The following GGTA1 variants were observed in gnomAD, a reference collection of about 807,000 sequenced individuals.
GGTA1 encodes inactive N-acetyllactosaminide alpha-1,3-galactosyltransferase.
Under a neutral mutation model 2.6 loss-of-function variants are expected in GGTA1, and 5 were observed. The ratio of observed to expected loss-of-function variants is 1.92; its 90% CI spans 1.00 to 4.04. GGTA1 has a LOEUF of 4.04. Among genes scored for constraint, GGTA1 ranks in the 30% most tolerant of loss-of-function variants. The pLI is 0.00. For missense variants in GGTA1, 50 were observed against 16.7 expected, an observed-to-expected ratio of 2.99 and a Z score of -3.47; for synonymous variants, 17 against 5.0, an observed-to-expected ratio of 3.38 and a Z score of -3.19.
intron 1 of GGTA1, among the ~76,000 whole-genome samples, chr9:121,469,157 C>T (rs1828325658): frequency 6.6e-6 from 1 of 151,982 alleles, no homozygotes; most frequent in African/African-American, 2.4e-5. Context: ...GAATAACAGG[C>T]CAGGAAGTAC....
At chr9:121,482,180 C>G (rs1445200099) in intron 1 of GGTA1, among the ~76,000 whole-genome samples, 1 of 145,868 alleles carries the variant, frequency 6.9e-6, no homozygotes, top group East Asian at 2.1e-4. Flanking sequence ...CTAAAACAAT[C>G]TAGGAGGCCA....
At chr9:121,458,400 G>A (rs1241626210) in intron 5 of GGTA1, among the ~76,000 whole-genome samples, 2 of 151,680 alleles carry the variant, frequency 1.3e-5, no homozygotes, top group East Asian at 2.0e-4. Context: ...GGCCGAGGCA[G>A]GGGATCACTT....
At chr9:121,496,848 T>A (rs1352106782) in intron 1 of GGTA1, among the ~76,000 whole-genome samples, 1 of 148,770 alleles carries the variant, frequency 6.7e-6, no homozygotes, top group Non-Finnish European at 1.5e-5. Context: ...AGAATGAGAC[T>A]CTGTCTCAAA....
chr9:121,479,891 A>C (rs756295148), intron 1 of GGTA1, among the ~76,000 whole-genome samples: 20 of 152,174 alleles, frequency 1.3e-4, no homozygotes, highest in Non-Finnish European at 2.5e-4. Context: ...CTCCCACAGC[A>C]CAAAGCACAC....
chr9:121,493,567 T>C (rs1444065305), intron 1 of GGTA1, among the ~76,000 whole-genome samples: 1 of 152,096 alleles, frequency 6.6e-6, no homozygotes, highest in Non-Finnish European at 1.5e-5. Flanking sequence ...AGAAATCTTA[T>C]CATAATAATT....
chr9:121,470,458 G>A (rs1027624283), intron 1 of GGTA1, among the ~76,000 whole-genome samples: 1 of 152,208 alleles, frequency 6.6e-6, no homozygotes, highest in Non-Finnish European at 1.5e-5. Context: ...CCTAAATGGA[G>A]ATGACAAGAG....
At chr9:121,492,336 G>T (rs1266181411) in intron 1 of GGTA1, among the ~76,000 whole-genome samples, 14 of 152,168 alleles carry the variant, frequency 9.2e-5, no homozygotes, top group Non-Finnish European at 2.1e-4. Flanking sequence ...TTGGCTGATG[G>T]GGAAACGGTC....
At chr9:121,474,386 T>G (rs1024653737) in intron 1 of GGTA1, among the ~76,000 whole-genome samples, 3 of 152,226 alleles carry the variant, frequency 2.0e-5, no homozygotes, top group Admixed American at 6.5e-5. Flanking sequence ...CTGGAACGTG[T>G]GCAGATTATG....
At chr9:121,498,245 T>G (rs1829031446) in intron 1 of GGTA1, among the ~76,000 whole-genome samples, 1 of 152,246 alleles carries the variant, frequency 6.6e-6, no homozygotes, top group East Asian at 1.9e-4. Context: ...GAGTTGAAAC[T>G]TCTGGACTGG....
At chr9:121,471,133 G>C (rs1589332264) in intron 1 of GGTA1, among the ~76,000 whole-genome samples, 1 of 152,230 alleles carries the variant, frequency 6.6e-6, no homozygotes, top group Non-Finnish European at 1.5e-5. Context: ...AGAAAACCAA[G>C]ACTGTGGACC....
intron 5 of GGTA1, among the ~76,000 whole-genome samples, chr9:121,459,366 G>A (rs1240840845): frequency 6.6e-6 from 1 of 152,152 alleles, no homozygotes; most frequent in Non-Finnish European, 1.5e-5. Flanking sequence ...AGCCTGGGAG[G>A]TCAAGGCTGC....
At chr9:121,460,308 C>T in intron 4 of GGTA1, 89 bp from the exon 5 acceptor site, 2 of 442,792 alleles carry the variant, frequency 4.5e-6, no homozygotes, top group Non-Finnish European at 9.1e-6. Context: ...GAAATGTGTT[C>T]CAAGGCAGAT....
chr9:121,488,380 G>A (rs1828805122), intron 1 of GGTA1, among the ~76,000 whole-genome samples: 2 of 152,098 alleles, frequency 1.3e-5, no homozygotes, highest in African/African-American at 4.8e-5. Flanking sequence ...TAAACCCTGG[G>A]GATTCAGCTC....
intron 1 of GGTA1, among the ~76,000 whole-genome samples, chr9:121,489,014 C>G (rs1244873135): frequency 6.6e-6 from 1 of 152,162 alleles, no homozygotes; most frequent in African/African-American, 2.4e-5. Flanking sequence ...TGGGATCCCC[C>G]AAGCCAGCAG....
In GGTA1 at chr9:121,455,648, T is replaced by C. The variant is rs964530886; in HGVS notation, c.*189A>G. ...TGACCCACATTTCCCAGTTCCCTGCTCTATACCAGGTCATCCTGCTAAGCG... is the reference window on the plus strand; with the variant it reads ...TGACCCACATTTCCCAGTTCCCTGCCCTATACCAGGTCATCCTGCTAAGCG... On this transcript the variant is annotated 3_prime_UTR_variant, in exon 6 of 6. Transcript: ENST00000481799. 1 of 254,012 alleles carries C rather than the reference T, an allele frequency of 3.9e-6. No individual in the cohort carries two copies. Among genetic ancestry groups the C allele is most frequent in the African/African-American group, 2.2e-5 (1 of 45,146 alleles). The allele number at this position is 254,012 out of a possible 1,614,324, so 15.7% of individuals were successfully genotyped here.
At chr9:121,496,762 A>AGG (rs1829004102) in intron 1 of GGTA1, among the ~76,000 whole-genome samples, 1 of 139,276 alleles carries the variant, frequency 7.2e-6, no homozygotes, top group South Asian at 2.5e-4. Flanking sequence ...AAAAAAAGAG[A>AGG]GAGAGAATCG....
intron 1 of GGTA1, among the ~76,000 whole-genome samples, chr9:121,495,038 C>G (rs1278943333): frequency 6.6e-6 from 1 of 150,820 alleles, no homozygotes; most frequent in African/African-American, 2.4e-5. Context: ...AATTCTCATG[C>G]CTCAGCCTCC....
intron 1 of GGTA1, among the ~76,000 whole-genome samples, chr9:121,484,367 C>CT (rs901548899): frequency 1.2e-3 from 178 of 149,680 alleles, no homozygotes; most frequent in African/African-American, 3.2e-3. Flanking sequence ...CTGCATTTTT[C>CT]TTTTTTTTTT....
chr9:121,447,156 C>G (rs1227412658), exon 8 of GGTA1: 1 of 152,596 alleles, frequency 6.6e-6, no homozygotes, highest in Non-Finnish European at 1.5e-5. Flanking sequence ...AATGGGTGTT[C>G]CTCCAGAAAT....
Sources: allele counts gnomAD v4.1 joint callset (sites outside exome capture counted in the v4.1 genomes callset), GRCh38; gene constraint gnomAD v4.1.1; transcripts MANE v1.5; gene names NCBI Gene and HGNC (gene_info 2026-07-23, HGNC 2026-07-21).